NR2E3: variants seen among roughly 807,000 people sequenced by gnomAD.
The protein encoded by NR2E3 is nuclear receptor subfamily 2 group E member 3.
Under a neutral mutation model 37.6 loss-of-function variants are expected in NR2E3, and 38 were observed. The observed-to-expected ratio is 1.01, with a 90% CI of 0.78 to 1.33. The LOEUF (loss-of-function observed/expected upper bound fraction) is 1.33, where lower values mean the gene tolerates loss of function less well. Among genes scored for constraint, NR2E3 ranks in the 40% most tolerant of loss-of-function variants. The probability of loss-of-function intolerance (pLI) is 0.00; values close to 1 mark genes in which losing one functional copy is unlikely to be tolerated. For synonymous variants in NR2E3, 235 were observed against 225.1 expected (o/e 1.04, Z -0.39); for missense variants, 562 against 558.7 (o/e 1.01, Z -0.06).
At chr15:71,816,038 G>C (rs1250559968) in intron 7 of NR2E3, among the ~76,000 whole-genome samples, 1 of 152,184 alleles carries the variant, frequency 6.6e-6, no homozygotes, top group East Asian at 1.9e-4. Flanking sequence ...AAGGCCTTAG[G>C]TTGGCAAAGC....
At chr15:71,812,748 A>G (rs1306178894) in intron 5 of NR2E3, among the ~76,000 whole-genome samples, 1 of 152,092 alleles carries the variant, frequency 6.6e-6, no homozygotes, top group Non-Finnish European at 1.5e-5. Context: ...GTGCACACCT[A>G]GGAGATGATG....
Position 71,811,214 on chromosome 15 carries a change from G to T in NR2E3, c.119-269G>T, listed in dbSNP as rs562274837. Reference sequence around the variant, plus strand: ...TGAAGCCACCCACAGAGAAGGGATGGGAGCTGGGAAAGTGGAGCTAGGGCT... The same window carrying T: ...TGAAGCCACCCACAGAGAAGGGATGTGAGCTGGGAAAGTGGAGCTAGGGCT... On this transcript the variant is annotated intron_variant, in intron 1 of 7. Transcript: ENST00000617575. This position sits in a 1 kb window ranked among gnomAD's most constrained non-coding sequence, Gnocchi z 5.6. Among the ~76,000 whole-genome samples the T allele has an allele frequency of 1.9e-4, 29 of 152,236 alleles. No homozygotes were observed. The highest frequency in any genetic ancestry group is 3.4e-4 in the Non-Finnish European group (23 of 68,000).
Position 71,813,401 on chromosome 15 carries a change from G to A in NR2E3, c.760G>A (p.Glu254Lys). 6.2e-7 allele frequency: 1 copy of A among 1,611,624 alleles called. No individual in the cohort carries two copies. The highest frequency in any genetic ancestry group is 8.5e-7 in the Non-Finnish European group (1 of 1,178,978). ...LPFRDQVILLEEAWSELFLLG... is the reference protein window; with the variant it reads ...LPFRDQVILLKEAWSELFLLG... ...TGTCTGAGCACAGGTGATCCTGCTG[G>A]AAGAGGCGTGGAGTGAACTCTTTCT... Residue 254 changes from glutamate (E) to lysine (K), a missense_variant, in exon 6 of 8, where the codon GAA (glutamate) becomes AAA (lysine). Physicochemically the swap from Glu to Lys is moderately conservative, Grantham distance 56. Coordinates refer to ENST00000617575, the MANE Select transcript of NR2E3 (RefSeq NM_014249.4). This position sits in a 1 kb window ranked among gnomAD's most constrained non-coding sequence, Gnocchi z 4.7.
rs527428190 is a variant in NR2E3 at position 71,817,578 on chromosome 15, C to A, written c.1127C>A (p.Pro376Gln). 51 of 1,599,380 alleles carry A rather than the reference C, an allele frequency of 3.2e-5. No homozygotes were observed. The highest frequency in any genetic ancestry group is 1.9e-4 in the South Asian group (17 of 90,328). ...VRFGKLLLLL[P>Q]SLRFITAERI... is the part of the protein sequence containing the mutation. ...TTTGGGAAATTGCTCCTGCTCCTCC[C>A]GTCTTTGAGGTTTATCACTGCGGAA... The change falls in exon 8 of 8, where the codon CCG becomes CAG. Residue 376 changes from proline (P) to glutamine (Q), a missense_variant. Physicochemically the swap from Pro to Gln is moderately conservative, Grantham distance 76. Coordinates refer to ENST00000617575, the MANE Select transcript of NR2E3 (RefSeq NM_014249.4).
At position 71,812,087 on chromosome 15, in the gene NR2E3, C is replaced by G. The variant is rs1279190559; in HGVS notation, c.482C>G (p.Thr161Arg). 2 of 1,554,484 alleles carry G rather than the reference C, an allele frequency of 1.3e-6. No individual in the cohort carries two copies. Among genetic ancestry groups the G allele is most frequent in the East Asian group, 2.4e-5 (1 of 41,124 alleles). ...APAGRSPRGPTPMSAARALGH... is the reference protein window; with the variant it reads ...APAGRSPRGPRPMSAARALGH... ...GCAGGGCGCAGCCCACGGGGCCCCA[C>G]ACCCATGTCTGCAGCCAGAGCCCTG... is the stretch of plus-strand genomic sequence containing the variant. The change falls in exon 4 of 8, where the codon ACA becomes AGA. Residue 161 changes from threonine to arginine, a missense_variant. Coordinates refer to ENST00000617575, the MANE Select transcript of NR2E3 (RefSeq NM_014249.4).
In NR2E3 at chr15:71,814,042, T is replaced by C. The variant is rs757665544; in HGVS notation, c.1025T>C (p.Val342Ala). The change falls in exon 7 of 8, where the codon GTA becomes GCA. Residue 342 changes from valine (V) to alanine (A), a missense_variant. Physicochemically the swap from Val to Ala is moderately conservative, Grantham distance 64. Transcript: ENST00000617575. ...ETRGLKDPEH[V>A]EALQDQSQVM... Reference sequence around the variant, plus strand: ...CGGGGCCTGAAGGATCCTGAGCACGTAGAGGCCTTGCAGGACCAGTCCCAA... The same window carrying C: ...CGGGGCCTGAAGGATCCTGAGCACGCAGAGGCCTTGCAGGACCAGTCCCAA... 64 of 1,612,698 alleles carry C rather than the reference T, an allele frequency of 4.0e-5. No homozygotes were observed. Among genetic ancestry groups the C allele is most frequent in the Non-Finnish European group, 5.2e-5 (61 of 1,179,696 alleles).
rs201237417 is a variant in NR2E3 at position 71,811,439 on chromosome 15, CGGCCCAGCCCTGCCCT to C, written c.119-28_119-13del. 22,293 of 1,525,450 alleles carry C rather than the reference CGGCCCAGCCCTGCCCT, an allele frequency of 0.015. 469 individuals carry two copies. The highest frequency in any genetic ancestry group is 0.1 in the African/African-American group (7,488 of 72,372). 94.5% of individuals were successfully genotyped at this position (1,525,450 alleles called of 1,614,324 possible). ...AGGAGGGGAGCGTGCAGCCCTGCCC[CGGCCCAGCCCTGCCCT>C]GGCCCAGCCCTGCCCCCTGCCCCTC... On this transcript the variant is annotated intron_variant, in intron 1 of 7. Coordinates refer to ENST00000617575, the MANE Select transcript of NR2E3 (RefSeq NM_014249.4). This position sits in a 1 kb window ranked among gnomAD's most constrained non-coding sequence, Gnocchi z 5.6.
rs942357123 is a variant in NR2E3, at chr15:71,812,268, G to A, written c.572-68G>A. ...CCTTGCCTTGATCCTCCCTCCCCCG[G>A]GGCTCCAAGTACTCCCTGCCACCTC... On this transcript the variant is annotated intron_variant, in intron 4 of 7. Coordinates refer to ENST00000617575, the MANE Select transcript of NR2E3 (RefSeq NM_014249.4). 8 of 1,611,150 alleles carry A rather than the reference G, an allele frequency of 5.0e-6. No individual in the cohort carries two copies. The African/African-American group carries it at 1.1e-4, about 22-fold the overall frequency.
At position 71,812,412 on chromosome 15, in the gene NR2E3, C is replaced by A; in HGVS notation, c.648C>A (p.Gly216=). 1 of 1,614,034 alleles carries A rather than the reference C, an allele frequency of 6.2e-7. No individual in the cohort carries two copies. Among genetic ancestry groups the A allele is most frequent in the Non-Finnish European group, 8.5e-7 (1 of 1,179,876 alleles). ...SSPYSSSSPC[G]LDSIHETSAR... ...CATACTCCTCTTCCTCCCCCTGCGG[C>A]CTGGACAGCATCCATGAGACCTCGG... The change falls in exon 5 of 8, where the codon GGC becomes GGA. Residue 216 remains glycine (G), a synonymous_variant. Transcript: ENST00000617575.
In NR2E3 at chr15:71,813,240, C is replaced by A; in HGVS notation, c.748-149C>A. 1 of 1,100,638 alleles carries A rather than the reference C, an allele frequency of 9.1e-7. No homozygotes were observed. Among genetic ancestry groups the A allele is most frequent in the Non-Finnish European group, 1.3e-6 (1 of 769,530 alleles). 68.2% of individuals were successfully genotyped at this position (1,100,638 alleles called of 1,614,324 possible). A position where few individuals can be genotyped will look rare whatever the true frequency, so the allele number is the denominator to read the frequency against. ...AGCCGGATGGTGCCAAATCCCAGAG[C>A]TCTGAGCCTCTGGCTGATGTCAGGA... On this transcript the variant is annotated intron_variant, in intron 5 of 7. Coordinates refer to ENST00000617575, the MANE Select transcript of NR2E3 (RefSeq NM_014249.4). This position sits in a 1 kb window ranked among gnomAD's most constrained non-coding sequence, Gnocchi z 4.7.
Position 71,812,189 on chromosome 15 carries a change from G to C in NR2E3, c.571+13G>C. The C allele has an allele frequency of 6.3e-7, 1 of 1,593,036 alleles. No individual in the cohort carries two copies. The highest frequency in any genetic ancestry group is 8.5e-7 in the Non-Finnish European group (1 of 1,170,068). ...GAGCCAGAGGATGGTGAGTGGGAGA[G>C]CAGCTGAGGGCACAGCAGGGCTTGG... On this transcript the variant is annotated intron_variant, in intron 4 of 7. Transcript: ENST00000617575.
At position 71,813,218 on chromosome 15, in the gene NR2E3, C is replaced by T. The variant is rs929529584; in HGVS notation, c.748-171C>T. Among the ~76,000 whole-genome samples the T allele has an allele frequency of 1.3e-5, 2 of 152,180 alleles. No homozygotes were observed. Among genetic ancestry groups the T allele is most frequent in the Non-Finnish European group, 2.9e-5 (2 of 68,038 alleles). On this transcript the variant is annotated intron_variant, in intron 5 of 7. Coordinates refer to ENST00000617575, the MANE Select transcript of NR2E3 (RefSeq NM_014249.4). The surrounding 1 kb of genome is among the most constrained non-coding windows in gnomAD (Gnocchi z 4.7). ...TGTCTCAGATGATAGGCAGCTGAGC[C>T]GGATGGTGCCAAATCCCAGAGCTCT...
rs1176903674 is a variant in NR2E3 at position 71,811,092 on chromosome 15, G to A, written c.118+231G>A. Among the ~76,000 whole-genome samples the A allele has an allele frequency of 3.3e-5, 5 of 152,220 alleles. No homozygotes were observed. Among genetic ancestry groups the A allele is most frequent in the South Asian group, 2.1e-4 (1 of 4,822 alleles). On this transcript the variant is annotated intron_variant, in intron 1 of 7. Transcript: ENST00000617575. This position sits in a 1 kb window ranked among gnomAD's most constrained non-coding sequence, Gnocchi z 5.6. ...AGAGCCAGGACAGGACAGCCTAGCC[G>A]ATGGGGAAGGAAAGAACAGAGAAGC...
chr15:71,811,593 C>G lies in NR2E3; in HGVS notation c.229C>G (p.Arg77Gly). 3 of 1,604,034 alleles carry G rather than the reference C, an allele frequency of 1.9e-6. No homozygotes were observed. Among genetic ancestry groups the G allele is most frequent in the Non-Finnish European group, 2.6e-6 (3 of 1,175,888 alleles). The change falls in exon 2 of 8, where the codon CGG (arginine) becomes GGG (glycine). Residue 77 changes from arginine (R) to glycine (G), a missense_variant. Arg to Gly is a moderately radical substitution (Grantham distance 125). Coordinates refer to ENST00000617575, the MANE Select transcript of NR2E3 (RefSeq NM_014249.4). This position sits in a 1 kb window ranked among gnomAD's most constrained non-coding sequence, Gnocchi z 5.6. ...CGGCTTCTTCAAGAGGAGCGTACGG[C>G]GGAGGCTCATCTACAGGTGAGTGCG... ...CSGFFKRSVR[R>G]RLIYRCQVGA... is the part of the protein sequence containing the mutation.
Position 71,811,789 on chromosome 15 carries a change from GC to G in NR2E3, c.273del (p.Val92TrpfsTer14). The G allele has an allele frequency of 6.4e-7, 1 of 1,551,288 alleles. No individual in the cohort carries two copies. On this transcript the variant is annotated frameshift_variant, in exon 3 of 8. Transcript: ENST00000617575. LOFTEE classifies it high-confidence loss of function. The surrounding 1 kb of genome is among the most constrained non-coding windows in gnomAD (Gnocchi z 5.6). Reference protein sequence around the residue: ...IYRCQVGAGMCPVDKAHRNQC... With the variant: ...IYRCQVGAGMXPVDKAHRNQC... ...AGGTGCCAGGTGGGGGCAGGGATGT[GC>G]CCCGTGGACAAGGCCCACCGCAACC...
Position 71,813,899 on chromosome 15 carries a change from C to A in NR2E3, c.995-113C>A. ...CTCCTCTGGGCCTGGCAGAGCCCACCCCACAGGGCCCCAGGTCCATGTCTG... is the reference window on the plus strand; with the variant it reads ...CTCCTCTGGGCCTGGCAGAGCCCACACCACAGGGCCCCAGGTCCATGTCTG... On this transcript the variant is annotated intron_variant, in intron 6 of 7. Transcript: ENST00000617575. The surrounding 1 kb of genome is among the most constrained non-coding windows in gnomAD (Gnocchi z 4.7). 6.5e-7 allele frequency: 1 copy of A among 1,535,778 alleles called. No individual in the cohort carries two copies. Among genetic ancestry groups the A allele is most frequent in the South Asian group, 1.2e-5 (1 of 82,870 alleles).
chr15:71,810,858 A>G lies in NR2E3; in HGVS notation c.115A>G (p.Thr39Ala). ...CAGATGGGGCCTGGGGGAGGATCCC[A>G]CAGGTATGGCTTCTCCTGGAGGTAG... The part of the protein sequence containing the change: ...PGRWGLGEDP[T>A]GVSPSLQCRV... Residue 39 changes from threonine (T) to alanine (A), a missense_variant, in exon 1 of 8, where the codon ACA becomes GCA. Transcript: ENST00000617575. 1 of 1,556,446 alleles carries G rather than the reference A, an allele frequency of 6.4e-7. No homozygotes were observed. The highest frequency in any genetic ancestry group is 8.7e-7 in the Non-Finnish European group (1 of 1,150,062).
Position 71,812,451 on chromosome 15 carries a change from C to T in NR2E3, c.687C>T (p.Phe229=), listed in dbSNP as rs1358386613. 1.9e-6 allele frequency: 3 copies of T among 1,613,852 alleles called. No homozygotes were observed. The highest frequency in any genetic ancestry group is 2.5e-6 in the Non-Finnish European group (3 of 1,179,848). Residue 229 remains phenylalanine, a synonymous_variant, in exon 5 of 8, where the codon TTC becomes TTT. Coordinates refer to ENST00000617575, the MANE Select transcript of NR2E3 (RefSeq NM_014249.4). Reference sequence around the variant, plus strand: ...ATGAGACCTCGGCTCGCCTACTCTTCATGGCCGTCAAGTGGGCCAAGAACC... The same window carrying T: ...ATGAGACCTCGGCTCGCCTACTCTTTATGGCCGTCAAGTGGGCCAAGAACC... The part of the protein sequence containing the change: ...SIHETSARLL[F]MAVKWAKNLP...
intron 7 of NR2E3, among the ~76,000 whole-genome samples, chr15:71,815,934 C>A (rs2054223072): frequency 6.6e-6 from 1 of 152,294 alleles, no homozygotes; most frequent in African/African-American, 2.4e-5. Context: ...TCCTCCCACT[C>A]TAATTTAGAT....
Sources: allele counts gnomAD v4.1 joint callset (sites outside exome capture counted in the v4.1 genomes callset), GRCh38; gene constraint gnomAD v4.1.1; non-coding constraint Gnocchi (gnomAD v3.1); transcripts MANE v1.5; gene names NCBI Gene and HGNC (gene_info 2026-07-23, HGNC 2026-07-21).